FAXDC2: variants seen among roughly 807,000 people sequenced by gnomAD.
FAXDC2 encodes the protein fatty acid hydroxylase domain containing 2, also known as fatty acid hydroxylase domain-containing protein 2.
Under a neutral mutation model 40.9 loss-of-function variants are expected in FAXDC2, and 41 were observed. That is an observed-to-expected ratio of 1.00 (90% CI 0.78 to 1.30). The LOEUF (loss-of-function observed/expected upper bound fraction) is 1.30. FAXDC2 is among the 50% of genes most tolerant of loss of function. The pLI is 0.00. For synonymous variants in FAXDC2, 157 were observed against 149.3 expected (o/e 1.05, Z -0.38); for missense variants, 390 against 408.8 (o/e 0.95, Z 0.40).
chr5:154,849,297 A>G (rs1297294787), intron 1 of FAXDC2, among the ~76,000 whole-genome samples: 3 of 152,154 alleles, frequency 2.0e-5, no homozygotes, highest in East Asian at 3.9e-4. Context: ...AAAAAAAACA[A>G]AAACAGAAGA....
Position 154,820,291 on chromosome 5 carries a change from G to A in FAXDC2, c.*25C>T, listed in dbSNP as rs760424914. 7 of 1,572,828 alleles carry A rather than the reference G, an allele frequency of 4.5e-6. No homozygotes were observed. The South Asian group carries it at 7.1e-5, about 16-fold the overall frequency. On this transcript the variant is annotated 3_prime_UTR_variant, in exon 9 of 9. Transcript: ENST00000326080. ...GTCTGCATCCCATGGCTGAGGGACA[G>A]CCAGGATGACACTTAGGCTGTCTCT... is the stretch of plus-strand genomic sequence containing the variant.
At chr5:154,846,611 C>G (rs116474117) in intron 1 of FAXDC2, among the ~76,000 whole-genome samples, 2,098 of 152,124 alleles carry the variant, frequency 0.014, 29 homozygotes, top group African/African-American at 0.038. Context: ...TCTCAAACTC[C>G]TGGGCTCAAG....
intron 1 of FAXDC2, 161 bp from the exon 2 acceptor site, chr5:154,838,339 T>G (rs1231201047): frequency 2.4e-5 from 4 of 167,624 alleles, no homozygotes; most frequent in Admixed American, 2.0e-4. Flanking sequence ...ATTTGAAAAC[T>G]TAATGGAGAG....
rs142768211 is a variant in FAXDC2 at position 154,820,262 on chromosome 5, C to T, written c.*54G>A. ...CAAATTGTTAGGTGCAATCAGGAAG[C>T]CGTGTCTGCATCCCATGGCTGAGGG... On this transcript the variant is annotated 3_prime_UTR_variant, in exon 9 of 9. Coordinates refer to ENST00000326080, the MANE Select transcript of FAXDC2 (RefSeq NM_032385.5). 4 of 1,445,066 alleles carry T rather than the reference C, an allele frequency of 2.8e-6. No individual in the cohort carries two copies. Among genetic ancestry groups the T allele is most frequent in the South Asian group, 1.3e-5 (1 of 75,062 alleles). The allele number at this position is 1,445,066 out of a possible 1,614,324, so 89.5% of individuals were successfully genotyped here.
chr5:154,830,942 ACAGT>A lies in FAXDC2; in HGVS notation c.245-24_245-21del. 6.2e-7 allele frequency: 1 copy of A among 1,612,714 alleles called. No homozygotes were observed. Among genetic ancestry groups the A allele is most frequent in the African/African-American group, 1.3e-5 (1 of 75,022 alleles). ...TGGCACCTGAGATTGGGAAACAGAA[ACAGT>A]CAGGGCGACTTTGGGTTCTCACAGC... On this transcript the variant is annotated intron_variant, in intron 4 of 8. Transcript: ENST00000326080.
At position 154,827,582 on chromosome 5, in the gene FAXDC2, G is replaced by A. The variant is rs566977821; in HGVS notation, c.366+3219C>T. On this transcript the variant is annotated intron_variant, in intron 5 of 8. Transcript: ENST00000326080. The stretch of plus-strand genomic sequence containing the variant: ...AGCCTGTTGTGAGAGGACATGTTAG[G>A]TGAGGCCATTACACCTAACCGTAGC... Among the ~76,000 whole-genome samples, 15 of 151,878 alleles carry A rather than the reference G, an allele frequency of 9.9e-5. No individual in the cohort carries two copies. The South Asian group carries it at 3.1e-3, about 32-fold the overall frequency.
intron 1 of FAXDC2, chr5:154,838,968 C>T (rs1341937519): frequency 6.6e-6 from 1 of 152,106 alleles, no homozygotes; most frequent in East Asian, 1.9e-4. Context: ...ATATGAATAT[C>T]AGGCATTAAC....
At chr5:154,829,335 C>T (rs1409818152) in intron 5 of FAXDC2, 2 of 152,530 alleles carry the variant, frequency 1.3e-5, no homozygotes, top group African/African-American at 4.8e-5. Flanking sequence ...ATTCAGCTCC[C>T]CACTTGAGGA....
intron 5 of FAXDC2, among the ~76,000 whole-genome samples, chr5:154,829,734 G>GA (rs1561654713): frequency 6.6e-6 from 1 of 152,218 alleles, no homozygotes; most frequent in African/African-American, 2.4e-5. Flanking sequence ...TTCCTCATCT[G>GA]AACAGTGAAG....
intron 2 of FAXDC2, among the ~76,000 whole-genome samples, chr5:154,835,463 A>T (rs769370893): frequency 6.6e-6 from 1 of 152,226 alleles, no homozygotes; most frequent in Non-Finnish European, 1.5e-5. Flanking sequence ...CATGATGAGG[A>T]AATCCTTTCC....
chr5:154,824,514 T>C (rs1759973534), intron 5 of FAXDC2: 1 of 702,606 alleles, frequency 1.4e-6, no homozygotes, highest in Non-Finnish European at 2.6e-6. Context: ...CAGAATTCAC[T>C]CTTTGTTTAC....
intron 5 of FAXDC2, chr5:154,824,731 A>T (rs1037178650): frequency 1.7e-6 from 1 of 580,448 alleles, no homozygotes; most frequent in Non-Finnish European, 3.1e-6. Context: ...CAAAACAAAG[A>T]TTCCTGCCCC....
intron 5 of FAXDC2, 110 bp downstream of exon 5, chr5:154,830,691 A>C (rs1463001028): frequency 3.1e-6 from 4 of 1,287,028 alleles, no homozygotes; most frequent in Non-Finnish European, 4.4e-6. Flanking sequence ...TGTTGCTAAT[A>C]ACTTGGCTCA....
At chr5:154,845,608 T>C (rs917154892) in intron 1 of FAXDC2, among the ~76,000 whole-genome samples, 3 of 151,880 alleles carry the variant, frequency 2.0e-5, no homozygotes, top group African/African-American at 7.3e-5. Flanking sequence ...CCAGGTGTGG[T>C]GGCTCATGCT....
rs187286559 is a variant in FAXDC2 at position 154,824,606 on chromosome 5, C to G, written c.367-1014G>C. On this transcript the variant is annotated intron_variant, in intron 5 of 8. Transcript: ENST00000326080. The stretch of plus-strand genomic sequence containing the variant: ...TGAGGCCATTACACCTTCTGGAAAC[C>G]TTGACCAAGAGGCGGGGTATCACAT... 14 of 701,886 alleles carry G rather than the reference C, an allele frequency of 2.0e-5. No individual in the cohort carries two copies. In the African/African-American group the frequency reaches 2.1e-4, roughly 10 times the overall value. The allele number at this position is 701,886 out of a possible 1,614,324, so 43.5% of individuals were successfully genotyped here. A position where few individuals can be genotyped will look rare whatever the true frequency, so the allele number is the denominator to read the frequency against.
In FAXDC2 at chr5:154,821,165, A is replaced by G. The variant is rs150886025; in HGVS notation, c.845+95T>C. ...GACCTCTTCCCCAACTAGCACTCAC[A>G]TGTAAACTGAGATACCAGTGCCTGC... On this transcript the variant is annotated intron_variant, in intron 8 of 8. Coordinates refer to ENST00000326080, the MANE Select transcript of FAXDC2 (RefSeq NM_032385.5). 3.2e-5 allele frequency: 33 copies of G among 1,040,842 alleles called. No individual in the cohort carries two copies. In the East Asian group the frequency reaches 5.7e-4, roughly 18 times the overall value. 64.5% of individuals were successfully genotyped at this position (1,040,842 alleles called of 1,614,324 possible).
chr5:154,823,796 T>C, intron 5 of FAXDC2: 1 of 562,948 alleles, frequency 1.8e-6, no homozygotes, highest in Non-Finnish European at 3.2e-6. Context: ...GTAATACCCC[T>C]GTCCTTGGAA....
At chr5:154,839,432 C>T (rs1380564822) in intron 1 of FAXDC2, among the ~76,000 whole-genome samples, 3 of 151,686 alleles carry the variant, frequency 2.0e-5, no homozygotes, top group Non-Finnish European at 2.9e-5. Context: ...CATTTGAGTC[C>T]TGGAGTTTGA....
chr5:154,849,284 A>G (rs554039355), intron 1 of FAXDC2, among the ~76,000 whole-genome samples: 240 of 152,292 alleles, frequency 1.6e-3, no homozygotes, highest in Non-Finnish European at 2.3e-3. Flanking sequence ...CATCTCAAAA[A>G]ACAAAAAAAA....
Sources: gnomAD v4.1 joint callset for allele counts (sites outside exome capture counted in the v4.1 genomes callset) on GRCh38, gnomAD v4.1.1 for gene constraint, MANE v1.5 for transcripts, NCBI Gene and HGNC (gene_info 2026-07-23, HGNC 2026-07-21) for gene names.